Variants in ATP6V1A observed in about 807,000 individuals in gnomAD.
ATP6V1A encodes the protein V-type proton ATPase catalytic subunit A.
ATP6V1A carries 18 observed loss-of-function variants against 70.1 expected under a neutral mutation model. The ratio of observed to expected loss-of-function variants is 0.26; its 90% CI spans 0.18 to 0.38. ATP6V1A has a LOEUF of 0.38. ATP6V1A is among the 10% of genes least tolerant of loss of function. ATP6V1A has a pLI of 1.00. For synonymous variants in ATP6V1A, 232 were observed against 253.8 expected, an observed-to-expected ratio of 0.91 and a Z score of 0.82; for missense variants, 424 against 772.4, an observed-to-expected ratio of 0.55 and a Z score of 5.35.
intron 1 of ATP6V1A, among the ~76,000 whole-genome samples, chr3:113,756,597 G>A (rs1436537297): frequency 1.3e-5 from 2 of 152,170 alleles, no homozygotes; most frequent in African/African-American, 4.8e-5. Context: ...TGGAATTAAT[G>A]TAACAATGTC....
chr3:113,790,821 C>G (rs1406516385), intron 8 of ATP6V1A, among the ~76,000 whole-genome samples: 1 of 151,970 alleles, frequency 6.6e-6, no homozygotes, highest in Non-Finnish European at 1.5e-5. Flanking sequence ...TATTTTTTTT[C>G]TACTGCCTTT....
chr3:113,803,885 C>T (rs980570495), intron 13 of ATP6V1A, among the ~76,000 whole-genome samples: 1 of 152,154 alleles, frequency 6.6e-6, no homozygotes, highest in African/African-American at 2.4e-5. Flanking sequence ...AGTATTTTCA[C>T]TCATATATTC....
intron 1 of ATP6V1A, among the ~76,000 whole-genome samples, chr3:113,772,076 C>T (rs1708847742): frequency 6.6e-6 from 1 of 152,186 alleles, no homozygotes; most frequent in African/African-American, 2.4e-5. Flanking sequence ...CCCTCAGAGC[C>T]TCAGTTACCT....
chr3:113,757,567 A>AT, intron 1 of ATP6V1A, among the ~76,000 whole-genome samples: 1 of 152,334 alleles, frequency 6.6e-6, no homozygotes, highest in South Asian at 2.1e-4. Context: ...GTAAGCTGAT[A>AT]TGCCATTAGC....
Position 113,809,326 on chromosome 3 carries a change from T to G in ATP6V1A, c.1762-9T>G. 1 of 1,606,114 alleles carries G rather than the reference T, an allele frequency of 6.2e-7. No homozygotes were observed. The highest frequency in any genetic ancestry group is 8.5e-7 in the Non-Finnish European group (1 of 1,175,028). ...AAATGCGAGTTGAATTTGTAATGTC[T>G]TCTTTCAGGATCCACTGAAAGATGG... is the stretch of plus-strand genomic sequence containing the variant. On this transcript the variant is annotated splice_polypyrimidine_tract_variant and intron_variant, in intron 14 of 14. Coordinates refer to ENST00000273398, the MANE Select transcript of ATP6V1A (RefSeq NM_001690.4).
At chr3:113,783,633 A>G (rs1262006943) in intron 3 of ATP6V1A, among the ~76,000 whole-genome samples, 1 of 152,202 alleles carries the variant, frequency 6.6e-6, no homozygotes, top group Non-Finnish European at 1.5e-5. Context: ...GTGCCAGGAT[A>G]TTTAAAATTT....
chr3:113,766,375 A>C (rs1224462214), intron 1 of ATP6V1A, among the ~76,000 whole-genome samples: 1 of 152,094 alleles, frequency 6.6e-6, no homozygotes, highest in Non-Finnish European at 1.5e-5. Flanking sequence ...GGCTCAGTGC[A>C]GCCTCAACCT....
At chr3:113,763,334 AC>A (rs1708728092) in intron 1 of ATP6V1A, among the ~76,000 whole-genome samples, 1 of 152,228 alleles carries the variant, frequency 6.6e-6, no homozygotes, top group Non-Finnish European at 1.5e-5. Context: ...TGATCCGCCC[AC>A]CTTGGCCTCC....
In ATP6V1A at chr3:113,795,116, G is replaced by T. The variant is rs757130784; in HGVS notation, c.1138G>T (p.Ala380Ser). Reference sequence around the variant, plus strand: ...TAGTGGATATCCAGCCTATCTTGGTGCCCGTCTGGCCTCGTTTTATGAACG... The same window carrying T: ...TAGTGGATATCCAGCCTATCTTGGTTCCCGTCTGGCCTCGTTTTATGAACG... Reference protein sequence around the residue: ...ADSGYPAYLGARLASFYERAG... With the variant: ...ADSGYPAYLGSRLASFYERAG... The change falls in exon 10 of 15, where the codon GCC becomes TCC. Residue 380 changes from alanine (A) to serine (S), a missense_variant. Coordinates refer to ENST00000273398, the MANE Select transcript of ATP6V1A (RefSeq NM_001690.4). 1 of 1,614,120 alleles carries T rather than the reference G, an allele frequency of 6.2e-7. No homozygotes were observed. Among genetic ancestry groups the T allele is most frequent in the Non-Finnish European group, 8.5e-7 (1 of 1,180,006 alleles).
At chr3:113,767,024 C>CT (rs1008604948) in intron 1 of ATP6V1A, among the ~76,000 whole-genome samples, 4 of 147,976 alleles carry the variant, frequency 2.7e-5, no homozygotes, top group South Asian at 2.1e-4. Flanking sequence ...GAGATGTTTG[C>CT]TTTTTTTAAC....
chr3:113,768,592 C>CTTTTTTT (rs34915547), intron 1 of ATP6V1A, among the ~76,000 whole-genome samples: 1 of 103,416 alleles, frequency 9.7e-6, no homozygotes, highest in Non-Finnish European at 1.9e-5. Flanking sequence ...TAGCCTGTAT[C>CTTTTTTT]TTTTTTTTTT....
intron 1 of ATP6V1A, among the ~76,000 whole-genome samples, chr3:113,776,633 C>G (rs971099582): frequency 6.6e-6 from 1 of 152,196 alleles, no homozygotes; most frequent in Non-Finnish European, 1.5e-5. Context: ...GCCTCCCCTA[C>G]TTTAATTCTG....
intron 1 of ATP6V1A, among the ~76,000 whole-genome samples, chr3:113,771,233 CAGA>C (rs1708836836): frequency 6.6e-6 from 1 of 152,006 alleles, no homozygotes; most frequent in Non-Finnish European, 1.5e-5. Flanking sequence ...AATGATGAAG[CAGA>C]AGATTTTAAT....
chr3:113,771,658 C>T (rs900130606), intron 1 of ATP6V1A, among the ~76,000 whole-genome samples: 22 of 152,082 alleles, frequency 1.4e-4, no homozygotes, highest in African/African-American at 5.1e-4. Flanking sequence ...AGGATGGTCT[C>T]GATCTCCTGA....
chr3:113,773,427 A>G (rs1708874187), intron 1 of ATP6V1A, among the ~76,000 whole-genome samples: 1 of 152,172 alleles, frequency 6.6e-6, no homozygotes, highest in South Asian at 2.1e-4. Context: ...CATAAATTAA[A>G]TAATATGTGC....
intron 6 of ATP6V1A, among the ~76,000 whole-genome samples, chr3:113,787,850 G>T (rs758172557): frequency 5.9e-5 from 9 of 152,114 alleles, no homozygotes; most frequent in Non-Finnish European, 1.0e-4. Flanking sequence ...TTAATTTGTT[G>T]TCTGCTCTTT....
chr3:113,809,231 G>A (rs2108048875), intron 14 of ATP6V1A, 104 bp from the exon 15 acceptor site: 11 of 885,656 alleles, frequency 1.2e-5, no homozygotes, highest in Middle Eastern at 2.7e-4. Flanking sequence ...CTCCAGCCTG[G>A]GTGACAGAGC....
intron 11 of ATP6V1A, among the ~76,000 whole-genome samples, chr3:113,797,529 T>TACA (rs1321898928): frequency 1.3e-5 from 2 of 152,352 alleles, no homozygotes; most frequent in East Asian, 3.9e-4. Context: ...GTGCTAGGAT[T>TACA]ACAGGCGTGA....
intron 14 of ATP6V1A, among the ~76,000 whole-genome samples, chr3:113,808,296 T>G (rs1380919396): frequency 3.5e-5 from 5 of 141,504 alleles, no homozygotes; most frequent in Admixed American, 2.8e-4. Flanking sequence ...TCTTTTTTTT[T>G]TTTTTTTTTT....
Sources: allele counts gnomAD v4.1 joint callset (sites outside exome capture counted in the v4.1 genomes callset), GRCh38; gene constraint gnomAD v4.1.1; transcripts MANE v1.5; gene names NCBI Gene and HGNC (gene_info 2026-07-23, HGNC 2026-07-21).